Variants in PTGER3 observed in about 807,000 individuals in gnomAD.
PTGER3 encodes prostaglandin E receptor 3.
A neutral mutation model predicts 34.7 loss-of-function variants in PTGER3; 22 were observed. The observed-to-expected ratio is 0.63, with a 90% CI of 0.45 to 0.91. The LOEUF (loss-of-function observed/expected upper bound fraction) is 0.91, where lower values mean the gene tolerates loss of function less well. Ranked by LOEUF, PTGER3 falls within the 40% of genes least tolerant of loss-of-function variation. The pLI is 0.00. For synonymous variants in PTGER3, 241 were observed against 230.1 expected, an observed-to-expected ratio of 1.05 and a Z score of -0.43; for missense variants, 468 against 519.4, an observed-to-expected ratio of 0.90 and a Z score of 0.96.
At chr1:70,960,701 C>T (rs543452608) in intron 2 of PTGER3, among the ~76,000 whole-genome samples, 1 of 152,092 alleles carries the variant, frequency 6.6e-6, no homozygotes, top group South Asian at 2.1e-4. Context: ...GGGGATTGGC[C>T]TTGATCAGTG....
At chr1:70,968,815 G>T (rs961807399), downstream of PTGER3, among the ~76,000 whole-genome samples, 1 of 151,600 alleles carries the variant, frequency 6.6e-6, no homozygotes, top group African/African-American at 2.4e-5. Context: ...CATTGTATGA[G>T]AAGTATCTTT....
rs1327684135 is a variant in PTGER3, at chr1:70,870,736, A to G, written c.*24-17877T>C. Among the ~76,000 whole-genome samples the G allele has an allele frequency of 1.8e-4, 27 of 152,202 alleles. 1 individual carries two copies. Reference sequence around the variant, plus strand: ...ACTTCCACAGATTCCTAAGGCATGGATACAATACAGCCAAATTCTTTGCTA... The same window carrying G: ...ACTTCCACAGATTCCTAAGGCATGGGTACAATACAGCCAAATTCTTTGCTA... On this transcript the variant is annotated intron_variant, in intron 4 of 4. Coordinates refer to the PTGER3 transcript ENST00000370931.
chr1:70,958,033 G>T (rs1298734341), intron 2 of PTGER3, among the ~76,000 whole-genome samples: 1 of 151,960 alleles, frequency 6.6e-6, no homozygotes, highest in Non-Finnish European at 1.5e-5. Context: ...ATGGTTAAAT[G>T]GTATTCTATT....
chr1:71,047,209 G>C lies in PTGER3; in HGVS notation c.369C>G (p.Ile123Met), dbSNP rs1267611919. The stretch of plus-strand genomic sequence containing the variant: ...AGGTGCAGAGCCGCCCCGACGGGTC[G>C]ATGTGCTCCCAACGCTGCTTGGACA... ...VYLSKQRWEHIDPSGRLCTFF... is the reference protein window; with the variant it reads ...VYLSKQRWEHMDPSGRLCTFF... Residue 123 changes from isoleucine (I) to methionine (M), a missense_variant, in exon 1 of 4, where the codon ATC (isoleucine) becomes ATG (methionine). By Grantham distance (10) the Ile-to-Met change is conservative. Around this residue, in one of 5 missense-constraint regions of PTGER3, gnomAD observed 53 missense variants for 93.9 expected, o/e 0.56. Transcript: ENST00000306666. 1 of 1,598,082 alleles carries C rather than the reference G, an allele frequency of 6.3e-7. No individual in the cohort carries two copies. The highest frequency in any genetic ancestry group is 8.5e-7 in the Non-Finnish European group (1 of 1,172,644).
At chr1:70,959,640 C>T (rs936057900) in intron 2 of PTGER3, among the ~76,000 whole-genome samples, 1 of 152,132 alleles carries the variant, frequency 6.6e-6, no homozygotes, top group Non-Finnish European at 1.5e-5. Context: ...AGATTACAGG[C>T]ATGAGCCACT....
At chr1:71,046,123 T>TA (rs796109404) in intron 1 of PTGER3, among the ~76,000 whole-genome samples, 2,881 of 140,950 alleles carry the variant, frequency 0.02, 90 homozygotes, top group African/African-American at 0.068. Context: ...CTACTAAAAA[T>TA]AAAAAAAAAA....
chr1:70,906,943 G>A (rs566625556), intron 4 of PTGER3, among the ~76,000 whole-genome samples: 2 of 152,280 alleles, frequency 1.3e-5, no homozygotes, highest in Admixed American at 1.3e-4. Flanking sequence ...AAAATTAATA[G>A]GTTCCCAGGG....
At chr1:70,921,971 T>A (rs1647575766) in intron 4 of PTGER3, among the ~76,000 whole-genome samples, 1 of 152,234 alleles carries the variant, frequency 6.6e-6, no homozygotes, top group South Asian at 2.1e-4. Context: ...ACTTAAGTAA[T>A]CTTTGGGAAA....
intron 2 of PTGER3, among the ~76,000 whole-genome samples, chr1:70,996,998 G>A (rs936446398): frequency 7.9e-5 from 12 of 152,142 alleles, no homozygotes; most frequent in African/African-American, 1.2e-4. Context: ...TTGGCTGGGC[G>A]TGGTAGCTCA....
chr1:70,920,943 A>C (rs1647461966), intron 4 of PTGER3, among the ~76,000 whole-genome samples: 1 of 152,212 alleles, frequency 6.6e-6, no homozygotes, highest in Non-Finnish European at 1.5e-5. Flanking sequence ...TCTTACAAAT[A>C]AACTAATTAC....
chr1:70,915,041 A>G (rs750698481), intron 4 of PTGER3, among the ~76,000 whole-genome samples: 6 of 151,948 alleles, frequency 3.9e-5, no homozygotes, highest in Non-Finnish European at 8.8e-5. Flanking sequence ...AGTTCCTGGG[A>G]CTTACTGACC....
chr1:70,972,770 A>G (rs1016282296), intron 3 of PTGER3, among the ~76,000 whole-genome samples: 1 of 152,140 alleles, frequency 6.6e-6, no homozygotes, highest in Non-Finnish European at 1.5e-5. Context: ...AGATTAAAAA[A>G]TGTATATCAT....
At chr1:71,008,611 G>C in intron 2 of PTGER3, 1 of 984,780 alleles carries the variant, frequency 1.0e-6, no homozygotes, top group Non-Finnish European at 1.2e-6. Context: ...CCTATGTCAT[G>C]AAACATCACA....
At chr1:70,886,083 C>T (rs1230382653) in intron 4 of PTGER3, among the ~76,000 whole-genome samples, 1 of 152,130 alleles carries the variant, frequency 6.6e-6, no homozygotes, top group Non-Finnish European at 1.5e-5. Flanking sequence ...TGTTGAAACC[C>T]TAATCCCCAG....
chr1:70,959,776 A>G (rs1247041081), intron 2 of PTGER3, among the ~76,000 whole-genome samples: 1 of 152,062 alleles, frequency 6.6e-6, no homozygotes, highest in Admixed American at 6.5e-5. Flanking sequence ...AGACAACATC[A>G]TGTCAGGTCT....
intron 2 of PTGER3, among the ~76,000 whole-genome samples, chr1:70,987,327 GT>G (rs1307358490): frequency 1.3e-5 from 2 of 152,178 alleles, no homozygotes; most frequent in Non-Finnish European, 2.9e-5. Context: ...GTTATGTTTT[GT>G]TGTATAATCA....
intron 4 of PTGER3, among the ~76,000 whole-genome samples, chr1:70,919,021 A>G (rs376587663): frequency 1.3e-5 from 2 of 152,252 alleles, no homozygotes; most frequent in East Asian, 3.9e-4. Context: ...AAGTAGAGCC[A>G]TGAATGACAG....
At chr1:70,878,277 C>T (rs7555874) in intron 4 of PTGER3, among the ~76,000 whole-genome samples, 30,122 of 151,950 alleles carry the variant, frequency 0.2, 3,571 homozygotes, top group Admixed American at 0.35. Context: ...TCATCATAAT[C>T]TTTGAGGTGT....
chr1:70,984,073 A>G (rs1318369533), intron 2 of PTGER3, among the ~76,000 whole-genome samples: 2 of 152,140 alleles, frequency 1.3e-5, no homozygotes. Context: ...TTGCTAATCG[A>G]CACAAATAGT....
Sources: gnomAD v4.1 joint callset for allele counts (sites outside exome capture counted in the v4.1 genomes callset) on GRCh38, gnomAD v4.1.1 for gene constraint, gnomAD v4.1.1 regional missense constraint, MANE v1.5 for transcripts, NCBI Gene and HGNC (gene_info 2026-07-23, HGNC 2026-07-21) for gene names.